The following RHBDD1 variants were observed in gnomAD, a reference collection of about 807,000 sequenced individuals.
The protein encoded by RHBDD1 is rhomboid domain containing 1, also known as rhomboid-related protein 4.
In RHBDD1, 38 loss-of-function variants were observed where a neutral mutation model predicts 36.3. The ratio of observed to expected loss-of-function variants is 1.05; its 90% CI spans 0.81 to 1.37. The LOEUF is 1.37. RHBDD1 is among the 40% of genes most tolerant of loss of function. The pLI is 0.00. For synonymous variants in RHBDD1, 151 were observed against 136.5 expected (o/e 1.11, Z -0.74); for missense variants, 393 against 377.6 (o/e 1.04, Z -0.34).
chr2:226,904,416 G>GC (rs773855639), intron 5 of RHBDD1, among the ~76,000 whole-genome samples: 10 of 148,198 alleles, frequency 6.7e-5, no homozygotes, highest in South Asian at 2.3e-4. Flanking sequence ...CCTGCAAGCG[G>GC]GGGGGGAGGG....
At chr2:226,900,124 G>C (rs116440782) in intron 5 of RHBDD1, among the ~76,000 whole-genome samples, 1 of 152,168 alleles carries the variant, frequency 6.6e-6, no homozygotes, top group Admixed American at 6.5e-5. Flanking sequence ...TACAGGTAAC[G>C]CACTTTGTGT....
At chr2:226,851,761 ATTGTTG>A (rs1942840540) in intron 3 of RHBDD1, among the ~76,000 whole-genome samples, 1 of 152,072 alleles carries the variant, frequency 6.6e-6, no homozygotes, top group African/African-American at 2.4e-5. Context: ...TGTTGTTGCT[ATTGTTG>A]TTGAAAGTAG....
chr2:226,909,402 G>A (rs1007696436), intron 7 of RHBDD1, among the ~76,000 whole-genome samples: 2 of 152,172 alleles, frequency 1.3e-5, no homozygotes, highest in Non-Finnish European at 2.9e-5. Flanking sequence ...ACCTATTTTA[G>A]GCTAAAGCCT....
intron 8 of RHBDD1, among the ~76,000 whole-genome samples, chr2:226,951,147 T>C (rs571751564): frequency 6.6e-6 from 1 of 152,122 alleles, no homozygotes; most frequent in Non-Finnish European, 1.5e-5. Flanking sequence ...TTTTTGTACA[T>C]GGTGTGAGAT....
intron 3 of RHBDD1, among the ~76,000 whole-genome samples, chr2:226,851,080 A>ACT (rs1380247389): frequency 6.6e-6 from 1 of 151,920 alleles, no homozygotes; most frequent in African/African-American, 2.4e-5. Context: ...GAGCCTAATA[A>ACT]CTCTGCCTCA....
chr2:226,923,687 T>C (rs1312270219), intron 8 of RHBDD1, among the ~76,000 whole-genome samples: 1 of 152,128 alleles, frequency 6.6e-6, no homozygotes, highest in African/African-American at 2.4e-5. Context: ...TTTCTAGATA[T>C]TGAAGGTGTG....
intron 8 of RHBDD1, among the ~76,000 whole-genome samples, chr2:226,934,956 G>T (rs1950246971): frequency 6.6e-6 from 1 of 151,914 alleles, no homozygotes; most frequent in Admixed American, 6.6e-5. Context: ...GTGCAGCATG[G>T]GTACTGGTTG....
chr2:226,801,327 G>T, the RHBDD1 span, among the ~76,000 whole-genome samples: 1 of 152,234 alleles, frequency 6.6e-6, no homozygotes, highest in Non-Finnish European at 1.5e-5. Context: ...CAGAGGGAAG[G>T]TGGGGGTAGA....
At chr2:226,983,436 C>G (rs1956231759) in intron 8 of RHBDD1, among the ~76,000 whole-genome samples, 1 of 152,150 alleles carries the variant, frequency 6.6e-6, no homozygotes. Flanking sequence ...GGCCACCTAG[C>G]CTAGGGGCCA....
intron 8 of RHBDD1, among the ~76,000 whole-genome samples, chr2:226,961,474 T>C (rs1316445297): frequency 6.6e-6 from 1 of 152,240 alleles, no homozygotes. Context: ...ATAATGGTAA[T>C]GAATACTTAA....
intron 3 of RHBDD1, among the ~76,000 whole-genome samples, chr2:226,859,951 G>A (rs578109110): frequency 6.6e-5 from 10 of 152,316 alleles, no homozygotes; most frequent in Non-Finnish European, 5.9e-5. Context: ...AATCAGGCAA[G>A]CTGTGATGGT....
chr2:226,936,284 T>C (rs1950326702), intron 8 of RHBDD1, among the ~76,000 whole-genome samples: 1 of 152,196 alleles, frequency 6.6e-6, no homozygotes, highest in African/African-American at 2.4e-5. Context: ...ATTGTGGTTA[T>C]ATCTACATTT....
intron 8 of RHBDD1, among the ~76,000 whole-genome samples, chr2:226,936,318 T>C (rs1446791614): frequency 6.6e-6 from 1 of 152,158 alleles, no homozygotes; most frequent in Non-Finnish European, 1.5e-5. Flanking sequence ...ATTGTACTTA[T>C]ATCTTAGATT....
chr2:226,950,708 G>C (rs1951357131), intron 8 of RHBDD1, among the ~76,000 whole-genome samples: 1 of 152,100 alleles, frequency 6.6e-6, no homozygotes, highest in Admixed American at 6.5e-5. Flanking sequence ...CCTCACTGTG[G>C]TTTCAATTAG....
the RHBDD1 span, among the ~76,000 whole-genome samples, chr2:226,803,218 C>A: frequency 6.6e-6 from 1 of 151,770 alleles, no homozygotes; most frequent in African/African-American, 2.4e-5. Flanking sequence ...GCTTACTCTG[C>A]AAGGCAATAT....
the RHBDD1 span, among the ~76,000 whole-genome samples, chr2:226,825,150 G>A: frequency 4.6e-5 from 7 of 152,104 alleles, no homozygotes; most frequent in Non-Finnish European, 8.8e-5. Context: ...TATTTTGCCA[G>A]AATTTAGGAG....
intron 8 of RHBDD1, among the ~76,000 whole-genome samples, chr2:226,993,957 C>T (rs1339122481): frequency 6.6e-6 from 1 of 152,242 alleles, no homozygotes; most frequent in Admixed American, 6.5e-5. Context: ...TGTTTACTTG[C>T]TTTCCCTCCT....
chr2:226,814,088 G>A, the RHBDD1 span, among the ~76,000 whole-genome samples: 7 of 152,204 alleles, frequency 4.6e-5, no homozygotes, highest in African/African-American at 1.7e-4. Context: ...CTATATAGGG[G>A]GTGAAGAAAG....
At chr2:226,852,016 A>G (rs1484510638) in intron 3 of RHBDD1, among the ~76,000 whole-genome samples, 3 of 152,150 alleles carry the variant, frequency 2.0e-5, no homozygotes, top group African/African-American at 7.2e-5. Context: ...TGAAGTCCTC[A>G]GTTTAGCCAT....
Sources: gnomAD v4.1 joint callset for allele counts (sites outside exome capture counted in the v4.1 genomes callset) on GRCh38, gnomAD v4.1.1 for gene constraint, MANE v1.5 for transcripts, NCBI Gene and HGNC (gene_info 2026-07-23, HGNC 2026-07-21) for gene names.